The following SLC18A1 variants were observed in gnomAD, a reference collection of about 807,000 sequenced individuals.
The protein encoded by SLC18A1 is solute carrier family 18 member A1.
A neutral mutation model predicts 53.7 loss-of-function variants in SLC18A1; 69 were observed. The observed-to-expected ratio is 1.28, with a 90% CI of 1.06 to 1.57. The LOEUF is 1.57. Among genes scored for constraint, SLC18A1 ranks in the 40% most tolerant of loss-of-function variants. SLC18A1 has a pLI of 0.00. For synonymous variants in SLC18A1, 320 were observed against 248.1 expected, an observed-to-expected ratio of 1.29 and a Z score of -2.72; for missense variants, 932 against 668.1, an observed-to-expected ratio of 1.40 and a Z score of -4.35.
chr8:20,171,722 GTA>G (rs1011035379), intron 6 of SLC18A1, among the ~76,000 whole-genome samples: 6 of 151,864 alleles, frequency 4.0e-5, no homozygotes, highest in Admixed American at 1.3e-4. Flanking sequence ...GTGTGTGTAT[GTA>G]TGTGTGTGTG....
At chr8:20,162,527 G>A (rs1276897551) in intron 10 of SLC18A1, among the ~76,000 whole-genome samples, 3 of 152,180 alleles carry the variant, frequency 2.0e-5, no homozygotes, top group Non-Finnish European at 4.4e-5. Flanking sequence ...CCACAAAGCA[G>A]CCTGAAGCTT....
chr8:20,157,686 A>G (rs2071717592), intron 10 of SLC18A1, among the ~76,000 whole-genome samples: 1 of 152,222 alleles, frequency 6.6e-6, no homozygotes, highest in Admixed American at 6.5e-5. Flanking sequence ...AGCTGCAGAT[A>G]TTAGAAACAA....
intron 12 of SLC18A1, among the ~76,000 whole-genome samples, chr8:20,149,014 C>T (rs34135174): frequency 0.065 from 9,866 of 152,114 alleles, 420 homozygotes; most frequent in Non-Finnish European, 0.092. Flanking sequence ...CCATGGAACC[C>T]GGATCCCATG....
intron 10 of SLC18A1, among the ~76,000 whole-genome samples, chr8:20,161,751 G>C (rs943684833): frequency 6.6e-6 from 1 of 152,316 alleles, no homozygotes; most frequent in East Asian, 1.9e-4. Flanking sequence ...CTTAAAGCTG[G>C]AGAATAATTG....
intron 1 of SLC18A1, among the ~76,000 whole-genome samples, 194 bp from the exon 2 acceptor site, chr8:20,181,281 A>G (rs2128881370): frequency 6.6e-6 from 1 of 152,308 alleles, no homozygotes; most frequent in East Asian, 1.9e-4. Context: ...CCTTGAATTT[A>G]ATGGCTAGGT....
intron 14 of SLC18A1, 87 bp from the exon 15 acceptor site, chr8:20,147,478 G>C: frequency 1.3e-6 from 2 of 1,570,896 alleles, no homozygotes. Flanking sequence ...AGGGGCAGTG[G>C]GTGACCCAGA....
chr8:20,149,949 G>A (rs958796718), intron 11 of SLC18A1, among the ~76,000 whole-genome samples: 2 of 152,086 alleles, frequency 1.3e-5, no homozygotes, highest in African/African-American at 4.8e-5. Context: ...AAAGGCAGAG[G>A]AGGTGCCGTG....
At chr8:20,179,637 G>A (rs900608212) in intron 2 of SLC18A1, among the ~76,000 whole-genome samples, 153 bp from the exon 3 acceptor site, 4 of 152,182 alleles carry the variant, frequency 2.6e-5, no homozygotes, top group Non-Finnish European at 5.9e-5. Flanking sequence ...CCACTACTAG[G>A]ATCAGGGGAC....
At position 20,150,677 on chromosome 8, in the gene SLC18A1, G is replaced by T. The variant is rs200548187; in HGVS notation, c.1083C>A (p.Asn361Lys). 14 of 1,613,958 alleles carry T rather than the reference G, an allele frequency of 8.7e-6. No individual in the cohort carries two copies. The East Asian group carries it at 2.9e-4, about 33-fold the overall frequency. ...CCGAGGCTACATACCGACCCATCTT[G>T]TTGGCCAACACACCAAAGAGGTTGG... The part of the protein sequence containing the change: ...IGTNLFGVLA[N>K]KMGRWLCSLI... The change falls in exon 11 of 16, where the codon AAC becomes AAA. Residue 361 changes from asparagine to lysine, a missense_variant. Physicochemically the swap from Asn to Lys is moderately conservative, Grantham distance 94 (BLOSUM62 0). Transcript: ENST00000276373.
chr8:20,164,338 C>A (rs954606215), intron 10 of SLC18A1, among the ~76,000 whole-genome samples: 4 of 152,080 alleles, frequency 2.6e-5, no homozygotes, highest in Non-Finnish European at 5.9e-5. Context: ...ACATACACCC[C>A]TTTTTAGAGG....
chr8:20,149,589 CCTCTCTCTCTCT>C (rs60330468), intron 12 of SLC18A1, 75 bp downstream of exon 12: 13 of 791,858 alleles, frequency 1.6e-5, no homozygotes, highest in East Asian at 1.2e-4. Context: ...TCTCTCTCTC[CCTCTCTCTCTCT>C]CTCTCTCTCT....
intron 4 of SLC18A1, among the ~76,000 whole-genome samples, chr8:20,176,230 C>T (rs1585224316): frequency 6.6e-6 from 1 of 152,132 alleles, no homozygotes. Flanking sequence ...CTCTCAAGAG[C>T]TGCTGGTTAA....
At chr8:20,156,378 T>C (rs2071682162) in intron 10 of SLC18A1, among the ~76,000 whole-genome samples, 1 of 151,832 alleles carries the variant, frequency 6.6e-6, no homozygotes, top group African/African-American at 2.4e-5. Context: ...CCAGCCAATT[T>C]CCTAACAGGG....
At chr8:20,156,529 G>T (rs1183310100) in intron 10 of SLC18A1, among the ~76,000 whole-genome samples, 2 of 152,208 alleles carry the variant, frequency 1.3e-5, no homozygotes, top group Non-Finnish European at 2.9e-5. Context: ...GGAAACTCTT[G>T]TAGAAGCAGA....
At position 20,180,872 on chromosome 8, in the gene SLC18A1, C is replaced by T; in HGVS notation, c.93G>A (p.Leu31=). The T allele has an allele frequency of 6.2e-7, 1 of 1,614,062 alleles. No individual in the cohort carries two copies. ...QLVLVVVFVA[L]LLDNMLFTVV... ...CAGTAAACAGCATGTTGTCCAGGAG[C>T]AAAGCGACGAATACCACCACCAGCA... The change falls in exon 2 of 16, where the codon TTG becomes TTA. Residue 31 remains leucine, a synonymous_variant. Coordinates refer to ENST00000276373, the MANE Select transcript of SLC18A1 (RefSeq NM_003053.4).
intron 10 of SLC18A1, among the ~76,000 whole-genome samples, chr8:20,159,100 A>G (rs768656539): frequency 1.3e-5 from 2 of 152,154 alleles, no homozygotes; most frequent in Non-Finnish European, 2.9e-5. Context: ...GGAGCCCCAG[A>G]TGCAGTCTGT....
Position 20,151,280 on chromosome 8 carries a change from C to T in SLC18A1, c.1016-536G>A, listed in dbSNP as rs73210886. On this transcript the variant is annotated intron_variant, in intron 10 of 15. Coordinates refer to ENST00000276373, the MANE Select transcript of SLC18A1 (RefSeq NM_003053.4). Reference sequence around the variant, plus strand: ...GGGATTACAGATGTGAGCCCCCACACCTGGCCTAGCCTCAGTACATTTAAT... The same window carrying T: ...GGGATTACAGATGTGAGCCCCCACATCTGGCCTAGCCTCAGTACATTTAAT... Among the ~76,000 whole-genome samples the T allele has an allele frequency of 7.9e-3, 1,205 of 152,166 alleles. 9 individuals carry two copies. Among genetic ancestry groups the T allele is most frequent in the Non-Finnish European group, 9.7e-3 (658 of 68,012 alleles).
intron 10 of SLC18A1, among the ~76,000 whole-genome samples, chr8:20,153,357 C>T (rs571449424): frequency 6.6e-6 from 1 of 152,164 alleles, no homozygotes; most frequent in Admixed American, 6.5e-5. Flanking sequence ...CCATCATGAG[C>T]CATTGAATCC....
chr8:20,171,097 G>C lies in SLC18A1; in HGVS notation c.858+6C>G. 9 of 1,613,972 alleles carry C rather than the reference G, an allele frequency of 5.6e-6. No homozygotes were observed. The highest frequency in any genetic ancestry group is 2.2e-5 in the East Asian group (1 of 44,888). Reference sequence around the variant, plus strand: ...CTGTTAGAAATGGAGCTTTGTGTCTGCTTACCTCAGGAGAGACTTTGGAAG... The same window carrying C: ...CTGTTAGAAATGGAGCTTTGTGTCTCCTTACCTCAGGAGAGACTTTGGAAG... On this transcript the variant is annotated splice_donor_region_variant and intron_variant, in intron 8 of 15. Transcript: ENST00000276373.
Sources: gnomAD v4.1 joint callset for allele counts (sites outside exome capture counted in the v4.1 genomes callset) on GRCh38, gnomAD v4.1.1 for gene constraint, MANE v1.5 for transcripts, NCBI Gene and HGNC (gene_info 2026-07-23, HGNC 2026-07-21) for gene names.